The following ARHGEF7 variants were observed in gnomAD, a reference collection of about 807,000 sequenced individuals.
The protein encoded by ARHGEF7 is Rho guanine nucleotide exchange factor 7.
A neutral mutation model predicts 109.8 loss-of-function variants in ARHGEF7; 33 were observed. The observed-to-expected ratio is 0.30, with a 90% CI of 0.23 to 0.40. The LOEUF is 0.40. Among genes scored for constraint, ARHGEF7 ranks in the 10% least tolerant of loss-of-function variants. The pLI is 1.00. For synonymous variants in ARHGEF7, 458 were observed against 424.6 expected, an observed-to-expected ratio of 1.08 and a Z score of -0.97; for missense variants, 938 against 1,098.5, an observed-to-expected ratio of 0.85 and a Z score of 2.07.
At position 111,206,978 on chromosome 13, in the gene ARHGEF7, A is replaced by G. The variant is rs1464992574; in HGVS notation, c.337+1605A>G. Among the ~76,000 whole-genome samples, 73 of 150,862 alleles carry G rather than the reference A, an allele frequency of 4.8e-4. 2 individuals carry two copies. Among genetic ancestry groups the G allele is most frequent in the African/African-American group, 1.4e-3 (57 of 41,124 alleles). On this transcript the variant is annotated intron_variant, in intron 3 of 21. Coordinates refer to ENST00000646102, the MANE Select transcript of ARHGEF7 (RefSeq NM_001354046.2). ...CTCCATCTAAAAAAAAAAAAAAAGA[A>G]AAAGAAAAAAAAAGAAAATCACTTA...
At chr13:111,256,426 G>T (rs768138502) in intron 8 of ARHGEF7, among the ~76,000 whole-genome samples, 4 of 152,184 alleles carry the variant, frequency 2.6e-5, no homozygotes, top group African/African-American at 9.7e-5. Flanking sequence ...AGCCTGCTCC[G>T]GTTCTCAGTT....
rs373375846 is a variant in ARHGEF7, at chr13:111,158,758, A to G, written c.252+4767A>G. On this transcript the variant is annotated intron_variant, in intron 2 of 21. Coordinates refer to ENST00000646102, the MANE Select transcript of ARHGEF7 (RefSeq NM_001354046.2). ...TGTTTTTAAATTGACAAATAGTTGC[A>G]TGTATTTATGGAGTAACATCATTAT... is the stretch of plus-strand genomic sequence containing the variant. Among the ~76,000 whole-genome samples the G allele has an allele frequency of 5.9e-5, 9 of 152,346 alleles. No individual in the cohort carries two copies. In the South Asian group the frequency reaches 1.7e-3, roughly 28 times the overall value.
Position 111,115,625 on chromosome 13 carries a change from G to A in ARHGEF7, c.99G>A (p.Ala33=), listed in dbSNP as rs2066676945. 1.4e-6 allele frequency: 2 copies of A among 1,402,322 alleles called. No homozygotes were observed. Among genetic ancestry groups the A allele is most frequent in the Admixed American group, 2.3e-5 (1 of 44,232 alleles). The allele number at this position is 1,402,322 out of a possible 1,614,324, so 86.9% of individuals were successfully genotyped here. ...TISDPEGFLQ[A]SLKDGVVLCR... is the part of the protein sequence containing the mutation. ...CGGACCCGGAGGGCTTTCTGCAGGC[G>A]TCGCTGAAGGATGGGGTGGTCCTCT... The change falls in exon 1 of 22, where the codon GCG becomes GCA. Residue 33 remains alanine, a synonymous_variant. Transcript: ENST00000646102.
chr13:111,283,399 G>A (rs763171965), intron 16 of ARHGEF7, 36 bp downstream of exon 16: 20 of 1,533,366 alleles, frequency 1.3e-5, no homozygotes, highest in South Asian at 6.0e-5. Flanking sequence ...GCCAGATGAC[G>A]GTGAGCATGC....
rs2087717427 is a variant in ARHGEF7, at chr13:111,241,215, A to C, written c.760-2657A>C. On this transcript the variant is annotated intron_variant, in intron 6 of 21. Transcript: ENST00000646102. ...CGTAAAAGCTGCCTTTTCTTTGAAA[A>C]CTGCCTGCGTCCTCTGGGTTCCCAG... The C allele has an allele frequency of 4.6e-6, 7 of 1,535,888 alleles. No homozygotes were observed. The Admixed American group carries it at 1.4e-4, about 30-fold the overall frequency.
chr13:111,296,128 G>A (rs1337297955), intron 19 of ARHGEF7, among the ~76,000 whole-genome samples: 1 of 152,118 alleles, frequency 6.6e-6, no homozygotes, highest in Non-Finnish European at 1.5e-5. Context: ...GGGCCCCAGG[G>A]GTTGATCAGC....
rs527826367 is a variant in ARHGEF7, at chr13:111,176,753, C to CTTAT, written c.252+22777_252+22780dup. ...TCCTTAGGTAGTATTTGCTGACTGGCTTATTTATTTATTTATTTTTTTAGA... is the reference window on the plus strand; with the variant it reads ...TCCTTAGGTAGTATTTGCTGACTGGCTTATTTATTTATTTATTTATTTTTTTAGA... On this transcript the variant is annotated intron_variant, in intron 2 of 21. Coordinates refer to ENST00000646102, the MANE Select transcript of ARHGEF7 (RefSeq NM_001354046.2). 1.5e-3 allele frequency among the ~76,000 whole-genome samples: 226 copies of CTTAT among 152,278 alleles called. 1 individual carries two copies. The highest frequency in any genetic ancestry group is 4.7e-3 in the African/African-American group (195 of 41,570).
intron 2 of ARHGEF7, among the ~76,000 whole-genome samples, chr13:111,202,880 C>A (rs986819353): frequency 1.2e-4 from 19 of 152,236 alleles, no homozygotes; most frequent in African/African-American, 2.2e-4. Context: ...TTTTCCCCCT[C>A]TCAGGGGTAA....
intron 16 of ARHGEF7, among the ~76,000 whole-genome samples, chr13:111,285,713 C>T (rs898764552): frequency 2.0e-5 from 3 of 152,156 alleles, no homozygotes; most frequent in Non-Finnish European, 2.9e-5. Flanking sequence ...ACTTATCTGT[C>T]ATTTAATGAC....
intron 2 of ARHGEF7, among the ~76,000 whole-genome samples, chr13:111,197,985 G>T (rs2080751008): frequency 6.6e-6 from 1 of 152,146 alleles, no homozygotes; most frequent in South Asian, 2.1e-4. Context: ...AACTTTGAGA[G>T]TTCCGCTCAT....
At chr13:111,158,365 A>C (rs1277243672) in intron 2 of ARHGEF7, among the ~76,000 whole-genome samples, 10 of 152,232 alleles carry the variant, frequency 6.6e-5, no homozygotes, top group African/African-American at 2.4e-4. Flanking sequence ...CAATTTGTCA[A>C]GTGTAAGGAA....
chr13:111,144,083 A>C (rs1401791766), intron 1 of ARHGEF7: 1 of 152,232 alleles, frequency 6.6e-6, no homozygotes, highest in Non-Finnish European at 1.5e-5. Flanking sequence ...CAGTTGAAGC[A>C]CTGTAGTCTT....
intron 8 of ARHGEF7, among the ~76,000 whole-genome samples, chr13:111,257,107 T>C (rs1186458217): frequency 6.6e-6 from 1 of 152,234 alleles, no homozygotes; most frequent in Non-Finnish European, 1.5e-5. Flanking sequence ...TATGAGCCTT[T>C]CTTGTTGCTG....
At chr13:111,298,463 C>T (rs1429096420) in intron 19 of ARHGEF7, among the ~76,000 whole-genome samples, 8 of 152,208 alleles carry the variant, frequency 5.3e-5, no homozygotes, top group African/African-American at 1.9e-4. Flanking sequence ...GAAGGCAGCC[C>T]AGGGCCCACT....
At chr13:111,170,901 G>A (rs984621424) in intron 2 of ARHGEF7, among the ~76,000 whole-genome samples, 1 of 152,182 alleles carries the variant, frequency 6.6e-6, no homozygotes, top group South Asian at 2.1e-4. Context: ...CTTTTCTGTT[G>A]CAGATATAAA....
chr13:111,279,942 C>T (rs1181830219), intron 13 of ARHGEF7, among the ~76,000 whole-genome samples: 3 of 152,158 alleles, frequency 2.0e-5, no homozygotes, highest in African/African-American at 4.8e-5. Context: ...CTGTTATACA[C>T]GGTAGTTTTT....
At chr13:111,158,101 T>G (rs2076478455) in intron 2 of ARHGEF7, among the ~76,000 whole-genome samples, 1 of 152,238 alleles carries the variant, frequency 6.6e-6, no homozygotes. Flanking sequence ...AACAAAATTA[T>G]TATAATAAAG....
At chr13:111,147,817 C>T (rs1384687953) in intron 1 of ARHGEF7, among the ~76,000 whole-genome samples, 1 of 150,670 alleles carries the variant, frequency 6.6e-6, no homozygotes, top group Non-Finnish European at 1.5e-5. Context: ...CCTGCCTCAG[C>T]CTCCCAAGTA....
intron 17 of ARHGEF7, among the ~76,000 whole-genome samples, chr13:111,287,678 G>A (rs2093080088): frequency 6.6e-6 from 1 of 152,146 alleles, no homozygotes; most frequent in African/African-American, 2.4e-5. Context: ...GTCTGGGGAG[G>A]AGCTCTCCAG....
Sources: gnomAD v4.1 joint callset for allele counts (sites outside exome capture counted in the v4.1 genomes callset) on GRCh38, gnomAD v4.1.1 for gene constraint, MANE v1.5 for transcripts, NCBI Gene and HGNC (gene_info 2026-07-23, HGNC 2026-07-21) for gene names.